KCTD8: variants seen among roughly 807,000 people sequenced by gnomAD.
The protein encoded by KCTD8 is BTB/POZ domain-containing protein KCTD8.
A neutral mutation model predicts 31.5 loss-of-function variants in KCTD8; 27 were observed. That is an observed-to-expected ratio of 0.86 (90% confidence interval 0.63 to 1.18). The LOEUF is 1.18. KCTD8 is among the 50% of genes most tolerant of loss of function. KCTD8 has a pLI of 0.00. For synonymous variants in KCTD8, 290 were observed against 280.0 expected (o/e 1.04, Z -0.36); for missense variants, 658 against 647.7 (o/e 1.02, Z -0.17).
At chr4:44,416,583 G>A (rs890570325) in intron 1 of KCTD8, among the ~76,000 whole-genome samples, 1 of 152,126 alleles carries the variant, frequency 6.6e-6, no homozygotes, top group Non-Finnish European at 1.5e-5. Context: ...CCTTGGTGAT[G>A]AGTTCTCAGT....
intron 1 of KCTD8, among the ~76,000 whole-genome samples, chr4:44,270,347 C>T (rs544314406): frequency 1.0e-3 from 137 of 132,756 alleles, no homozygotes; most frequent in African/African-American, 3.0e-3. Context: ...ACAATGAGAA[C>T]ACATGGACAC....
chr4:44,206,292 T>A lies in KCTD8; in HGVS notation c.962-31042A>T, dbSNP rs907173518. On this transcript the variant is annotated intron_variant, in intron 1 of 1. Transcript: ENST00000360029. ...ATTACACGGTAACCAGGTGACCCTT[T>A]TCAGCTCTGAAATTTGCAAACATCC... 2.6e-5 allele frequency among the ~76,000 whole-genome samples: 4 copies of A among 152,170 alleles called. No individual in the cohort carries two copies. In the South Asian group the frequency reaches 6.2e-4, roughly 24 times the overall value.
intron 1 of KCTD8, among the ~76,000 whole-genome samples, chr4:44,390,341 T>C (rs1377628099): frequency 6.6e-6 from 1 of 152,010 alleles, no homozygotes; most frequent in Non-Finnish European, 1.5e-5. Context: ...TCCAGTTTCA[T>C]TCTCCTACAT....
chr4:44,226,131 C>T (rs1714955341), intron 1 of KCTD8, among the ~76,000 whole-genome samples: 1 of 151,922 alleles, frequency 6.6e-6, no homozygotes, highest in African/African-American at 2.4e-5. Flanking sequence ...CCCGGCCCTC[C>T]TCATCTAGGT....
At chr4:44,220,776 C>T (rs569192904) in intron 1 of KCTD8, among the ~76,000 whole-genome samples, 10 of 152,108 alleles carry the variant, frequency 6.6e-5, no homozygotes, top group African/African-American at 1.7e-4. Context: ...GAACTGAATA[C>T]GAAAAGAGAA....
chr4:44,361,217 A>T (rs1577636270), intron 1 of KCTD8, among the ~76,000 whole-genome samples: 1 of 152,074 alleles, frequency 6.6e-6, no homozygotes, highest in Non-Finnish European at 1.5e-5. Flanking sequence ...TGGAATAATT[A>T]AGACTGAAAG....
At position 44,302,297 on chromosome 4, in the gene KCTD8, A is replaced by G. The variant is rs1717650835; in HGVS notation, c.962-127047T>C. Reference sequence around the variant, plus strand: ...GATGCGGATGGCATTGAATCTATAAATTACCTTGGGCAGGATGGCCATTTT... The same window carrying G: ...GATGCGGATGGCATTGAATCTATAAGTTACCTTGGGCAGGATGGCCATTTT... On this transcript the variant is annotated intron_variant, in intron 1 of 1. Transcript: ENST00000360029. Among the ~76,000 whole-genome samples the G allele has an allele frequency of 2.6e-5, 4 of 152,234 alleles. No homozygotes were observed. The South Asian group carries it at 8.3e-4, about 32-fold the overall frequency.
intron 1 of KCTD8, among the ~76,000 whole-genome samples, chr4:44,292,761 T>C (rs1042573062): frequency 3.3e-5 from 5 of 152,150 alleles, no homozygotes; most frequent in Admixed American, 2.6e-4. Flanking sequence ...TCTCCATTAA[T>C]AATTCCTCAG....
At chr4:44,384,628 G>A (rs1334144776) in intron 1 of KCTD8, among the ~76,000 whole-genome samples, 1 of 151,710 alleles carries the variant, frequency 6.6e-6, no homozygotes, top group Non-Finnish European at 1.5e-5. Flanking sequence ...AGCAGAGAAG[G>A]GTGTGAATGG....
chr4:44,182,319 A>G (rs577770451), intron 1 of KCTD8, among the ~76,000 whole-genome samples: 32 of 152,370 alleles, frequency 2.1e-4, no homozygotes, highest in African/African-American at 7.7e-4. Context: ...ACGGGCCATG[A>G]TGAAGATGGC....
intron 1 of KCTD8, among the ~76,000 whole-genome samples, chr4:44,223,241 T>A (rs1254942107): frequency 1.3e-5 from 2 of 152,164 alleles, no homozygotes; most frequent in African/African-American, 2.4e-5. Flanking sequence ...AGGATTTCTG[T>A]TTCTAGTGAC....
intron 1 of KCTD8, among the ~76,000 whole-genome samples, chr4:44,411,853 G>A (rs947821196): frequency 6.6e-6 from 1 of 152,078 alleles, no homozygotes; most frequent in South Asian, 2.1e-4. Flanking sequence ...AAGAGGCATG[G>A]AAGGATTCTA....
At chr4:44,393,237 T>C (rs1427383705) in intron 1 of KCTD8, among the ~76,000 whole-genome samples, 1 of 151,976 alleles carries the variant, frequency 6.6e-6, no homozygotes, top group African/African-American at 2.4e-5. Context: ...AAAAGTATGA[T>C]CAGGTTTCGG....
chr4:44,379,504 T>A (rs1577645326), intron 1 of KCTD8, among the ~76,000 whole-genome samples: 1 of 152,194 alleles, frequency 6.6e-6, no homozygotes, highest in Non-Finnish European at 1.5e-5. Context: ...AATTTGGAAA[T>A]TTTGTGCAAA....
intron 1 of KCTD8, among the ~76,000 whole-genome samples, chr4:44,285,047 T>C (rs1717024595): frequency 6.6e-6 from 1 of 152,132 alleles, no homozygotes; most frequent in Non-Finnish European, 1.5e-5. Context: ...GTTCAACCAT[T>C]GTGGAAGACA....
At chr4:44,428,377 G>T (rs1029182949) in intron 1 of KCTD8, among the ~76,000 whole-genome samples, 2 of 151,564 alleles carry the variant, frequency 1.3e-5, no homozygotes, top group African/African-American at 4.8e-5. Flanking sequence ...CCTTCATGGG[G>T]AAAAGAGAAG....
intron 1 of KCTD8, among the ~76,000 whole-genome samples, chr4:44,334,605 T>C (rs1335012102): frequency 1.3e-5 from 2 of 152,076 alleles, no homozygotes; most frequent in Non-Finnish European, 2.9e-5. Flanking sequence ...TATGCTGTCA[T>C]AATGTGCAGC....
intron 1 of KCTD8, among the ~76,000 whole-genome samples, chr4:44,357,121 T>C (rs1381893672): frequency 2.0e-5 from 3 of 148,208 alleles, no homozygotes; most frequent in South Asian, 2.1e-4. Context: ...AACAAACATA[T>C]AGTTAAAATT....
intron 1 of KCTD8, among the ~76,000 whole-genome samples, chr4:44,399,718 T>C (rs1037838062): frequency 6.6e-6 from 1 of 152,050 alleles, no homozygotes; most frequent in Admixed American, 6.6e-5. Context: ...CCTCATAAGA[T>C]GAAAAAGAAC....
Sources: gnomAD v4.1 joint callset for allele counts (sites outside exome capture counted in the v4.1 genomes callset) on GRCh38, gnomAD v4.1.1 for gene constraint, MANE v1.5 for transcripts, NCBI Gene and HGNC (gene_info 2026-07-23, HGNC 2026-07-21) for gene names.